The following CCSER1 variants were observed in gnomAD, a reference collection of about 807,000 sequenced individuals.
The protein encoded by CCSER1 is serine-rich coiled-coil domain-containing protein 1.
A neutral mutation model predicts 82.0 loss-of-function variants in CCSER1; 41 were observed. The ratio of observed to expected loss-of-function variants is 0.50; its 90% CI spans 0.39 to 0.65. The LOEUF (loss-of-function observed/expected upper bound fraction) is 0.65. Among genes scored for constraint, CCSER1 ranks in the 30% least tolerant of loss-of-function variants. The pLI is 0.00. For synonymous variants in CCSER1, 414 were observed against 383.9 expected (o/e 1.08, Z -0.92); for missense variants, 1,119 against 1,064.2 (o/e 1.05, Z -0.72).
chr4:91,274,365 T>C (rs369537988), intron 10 of CCSER1, among the ~76,000 whole-genome samples: 190 of 152,280 alleles, frequency 1.2e-3, no homozygotes, highest in African/African-American at 4.4e-3. Context: ...TTTTAAAATA[T>C]ACGAAACACT....
chr4:91,295,999 A>G (rs943341849), intron 10 of CCSER1, among the ~76,000 whole-genome samples: 4 of 151,940 alleles, frequency 2.6e-5, no homozygotes, highest in Admixed American at 2.0e-4. Flanking sequence ...CGGTCTATCA[A>G]AGTATTTCCA....
At chr4:91,164,513 C>T (rs1244033333) in intron 10 of CCSER1, among the ~76,000 whole-genome samples, 1 of 152,110 alleles carries the variant, frequency 6.6e-6, no homozygotes, top group Non-Finnish European at 1.5e-5. Flanking sequence ...TGGATAATAT[C>T]CTGGAGAGTG....
At chr4:90,637,416 T>G (rs752628950) in intron 6 of CCSER1, among the ~76,000 whole-genome samples, 1 of 152,142 alleles carries the variant, frequency 6.6e-6, no homozygotes, top group Non-Finnish European at 1.5e-5. Context: ...GTCAAATTTA[T>G]TGGTCACAAA....
intron 6 of CCSER1, among the ~76,000 whole-genome samples, chr4:90,699,456 A>G (rs1473741569): frequency 6.6e-6 from 1 of 152,128 alleles, no homozygotes; most frequent in Non-Finnish European, 1.5e-5. Context: ...AATTGAATTT[A>G]TACTTCCCTG....
chr4:91,431,160 C>T (rs149178503), intron 10 of CCSER1, among the ~76,000 whole-genome samples: 11,759 of 152,070 alleles, frequency 0.077, 496 homozygotes, highest in Non-Finnish European at 0.093. Flanking sequence ...GGCGTGAACC[C>T]GGGAGGCGGA....
intron 9 of CCSER1, among the ~76,000 whole-genome samples, chr4:91,005,309 G>A (rs1738404736): frequency 6.6e-6 from 1 of 151,858 alleles, no homozygotes; most frequent in Admixed American, 6.6e-5. Context: ...TGGTGATTTA[G>A]CCTTCAATAA....
intron 10 of CCSER1, among the ~76,000 whole-genome samples, chr4:91,145,344 G>T (rs116383797): frequency 6.6e-6 from 1 of 151,972 alleles, no homozygotes; most frequent in Non-Finnish European, 1.5e-5. Flanking sequence ...TGAGCCTATT[G>T]GTGTCATAAC....
chr4:90,288,140 C>G lies in CCSER1; in HGVS notation c.-41-20104C>G, dbSNP rs1217041266. On this transcript the variant is annotated intron_variant, in intron 1 of 10. Coordinates refer to ENST00000509176, the MANE Select transcript of CCSER1 (RefSeq NM_001145065.2). Reference sequence around the variant, plus strand: ...TCCTTTGGATTATTGCAATAGAATCCTAACTGGGTGGCTAGTTTTGGCAAT... The same window carrying G: ...TCCTTTGGATTATTGCAATAGAATCGTAACTGGGTGGCTAGTTTTGGCAAT... Among the ~76,000 whole-genome samples the G allele has an allele frequency of 2.6e-5, 4 of 151,836 alleles. No individual in the cohort carries two copies. In the East Asian group the frequency reaches 7.8e-4, roughly 29 times the overall value.
At chr4:91,340,041 C>T (rs1379465782) in intron 10 of CCSER1, among the ~76,000 whole-genome samples, 3 of 151,870 alleles carry the variant, frequency 2.0e-5, no homozygotes, top group East Asian at 1.9e-4. Context: ...CGCTTGAACC[C>T]GGGAGGCAGA....
At chr4:91,027,332 CT>C (rs1234379340) in intron 9 of CCSER1, among the ~76,000 whole-genome samples, 1 of 151,634 alleles carries the variant, frequency 6.6e-6, no homozygotes, top group African/African-American at 2.4e-5. Context: ...TAAGTAATGA[CT>C]AATGAACCTT....
At chr4:90,152,689 C>T (rs770502547) in intron 1 of CCSER1, among the ~76,000 whole-genome samples, 10 of 151,766 alleles carry the variant, frequency 6.6e-5, no homozygotes, top group Middle Eastern at 6.8e-3. Flanking sequence ...TAGAGAGTGC[C>T]CAAAGGGAAG....
intron 9 of CCSER1, among the ~76,000 whole-genome samples, chr4:90,961,083 T>C (rs543793345): frequency 1.3e-5 from 2 of 152,144 alleles, no homozygotes; most frequent in Admixed American, 6.6e-5. Context: ...GTTGACAAAC[T>C]CTTAGATTCC....
chr4:91,405,152 G>T (rs1485790588), intron 10 of CCSER1, among the ~76,000 whole-genome samples: 1 of 151,812 alleles, frequency 6.6e-6, no homozygotes, highest in Admixed American at 6.6e-5. Context: ...TTATGTAATG[G>T]CTATCTTTGT....
chr4:90,336,193 G>A (rs1391937812), intron 3 of CCSER1, among the ~76,000 whole-genome samples: 2 of 152,138 alleles, frequency 1.3e-5, no homozygotes, highest in South Asian at 2.1e-4. Flanking sequence ...AATTTCCACA[G>A]AATGATTATT....
intron 1 of CCSER1, among the ~76,000 whole-genome samples, chr4:90,295,372 T>C (rs1233885480): frequency 2.0e-5 from 3 of 152,004 alleles, no homozygotes. Flanking sequence ...ATGAAAAATA[T>C]TGTATTTATT....
At chr4:91,286,947 A>G (rs1743322654) in intron 10 of CCSER1, among the ~76,000 whole-genome samples, 1 of 151,862 alleles carries the variant, frequency 6.6e-6, no homozygotes, top group African/African-American at 2.4e-5. Flanking sequence ...TCTATTCAGG[A>G]GTAGTTACCT....
intron 1 of CCSER1, among the ~76,000 whole-genome samples, chr4:90,270,497 A>G (rs1217464125): frequency 1.3e-5 from 2 of 152,256 alleles, no homozygotes; most frequent in South Asian, 2.1e-4. Context: ...ACACACCTCA[A>G]CATAATAAAA....
chr4:91,313,119 C>T (rs1745601324), intron 10 of CCSER1, among the ~76,000 whole-genome samples: 1 of 151,776 alleles, frequency 6.6e-6, no homozygotes, highest in Non-Finnish European at 1.5e-5. Context: ...AATTATCATA[C>T]CACAAATATG....
chr4:90,155,021 A>C lies in CCSER1; in HGVS notation c.-42+27190A>C, dbSNP rs1012395106. Among the ~76,000 whole-genome samples the C allele has an allele frequency of 4.4e-4, 67 of 152,300 alleles. 1 individual carries two copies. Among genetic ancestry groups the C allele is most frequent in the South Asian group, 1.5e-3 (7 of 4,826 alleles). ...GTATGATATTGGCTGTGGGTTTGTCATAGATAGCTCTTATTATTTTGAGAT... is the reference window on the plus strand; with the variant it reads ...GTATGATATTGGCTGTGGGTTTGTCCTAGATAGCTCTTATTATTTTGAGAT... On this transcript the variant is annotated intron_variant, in intron 1 of 10. Transcript: ENST00000509176.
Sources: allele counts gnomAD v4.1 joint callset (sites outside exome capture counted in the v4.1 genomes callset), GRCh38; gene constraint gnomAD v4.1.1; transcripts MANE v1.5; gene names NCBI Gene and HGNC (gene_info 2026-07-23, HGNC 2026-07-21).